The following SUSD5 variants were observed in gnomAD, a reference collection of about 807,000 sequenced individuals.
SUSD5 encodes sushi domain containing 5.
In SUSD5, 33 loss-of-function variants were observed where a neutral mutation model predicts 29.5. The ratio of observed to expected loss-of-function variants is 1.12; its 90% CI spans 0.85 to 1.49. The LOEUF is 1.49. Ranked by LOEUF, SUSD5 falls within the 40% of genes most tolerant of loss-of-function variation. The pLI is 0.00. For missense variants in SUSD5, 776 were observed against 800.6 expected (o/e 0.97, Z 0.37); for synonymous variants, 308 against 325.3 (o/e 0.95, Z 0.57).
At chr3:33,185,656 G>T (rs1334081067) in intron 3 of SUSD5, among the ~76,000 whole-genome samples, 1 of 152,178 alleles carries the variant, frequency 6.6e-6, no homozygotes, top group African/African-American at 2.4e-5. Flanking sequence ...CTTTTTACTT[G>T]TTATGATGGA....
chr3:33,175,696 T>C (rs1369683930), intron 3 of SUSD5, among the ~76,000 whole-genome samples: 2 of 152,110 alleles, frequency 1.3e-5, no homozygotes, highest in Non-Finnish European at 2.9e-5. Flanking sequence ...AAATTGATTA[T>C]TTTTTAGGTT....
chr3:33,198,289 T>C (rs901047615), intron 3 of SUSD5, among the ~76,000 whole-genome samples: 1 of 152,220 alleles, frequency 6.6e-6, no homozygotes, highest in African/African-American at 2.4e-5. Context: ...TGGGTTCTAA[T>C]ATTATTCCCA....
chr3:33,193,775 C>T (rs1363151011), intron 3 of SUSD5, among the ~76,000 whole-genome samples: 1 of 152,148 alleles, frequency 6.6e-6, no homozygotes, highest in African/African-American at 2.4e-5. Context: ...TGCTTCTAAC[C>T]TACAAACTGC....
At chr3:33,190,640 A>C (rs2031871956) in intron 3 of SUSD5, among the ~76,000 whole-genome samples, 1 of 152,130 alleles carries the variant, frequency 6.6e-6, no homozygotes, top group Non-Finnish European at 1.5e-5. Context: ...AGGAAATGCC[A>C]CCCAAAAATA....
At chr3:33,209,004 G>C (rs955503953) in intron 2 of SUSD5, among the ~76,000 whole-genome samples, 1 of 152,156 alleles carries the variant, frequency 6.6e-6, no homozygotes, top group Admixed American at 6.5e-5. Flanking sequence ...CAGACTGGAT[G>C]TAATGAATTC....
chr3:33,190,869 T>G (rs924917230), intron 3 of SUSD5, among the ~76,000 whole-genome samples: 16 of 152,110 alleles, frequency 1.1e-4, no homozygotes, highest in African/African-American at 3.9e-4. Flanking sequence ...TACACCCACT[T>G]TTCTGAGGGC....
At chr3:33,194,161 G>C (rs1290526261) in intron 3 of SUSD5, among the ~76,000 whole-genome samples, 2 of 152,156 alleles carry the variant, frequency 1.3e-5, no homozygotes, top group Admixed American at 6.5e-5. Context: ...AGAGCAAGAG[G>C]ACAGCTTCAA....
At chr3:33,213,872 T>A in intron 2 of SUSD5, 56 bp downstream of exon 2, 1 of 1,535,504 alleles carries the variant, frequency 6.5e-7, no homozygotes, top group Non-Finnish European at 8.8e-7. Flanking sequence ...GAGTCCTATA[T>A]AAGCCTTGGT....
chr3:33,198,080 G>A (rs1416200437), intron 3 of SUSD5, among the ~76,000 whole-genome samples: 4 of 152,128 alleles, frequency 2.6e-5, no homozygotes, highest in South Asian at 2.1e-4. Flanking sequence ...GAAATTATGC[G>A]TTGATTTATT....
chr3:33,168,607 T>G (rs987431385), intron 4 of SUSD5: 1 of 985,012 alleles, frequency 1.0e-6, no homozygotes, highest in Non-Finnish European at 1.2e-6. Flanking sequence ...AGGCAGCACA[T>G]AGCATGATGC....
At chr3:33,182,752 T>C (rs2031697819) in intron 3 of SUSD5, among the ~76,000 whole-genome samples, 1 of 152,198 alleles carries the variant, frequency 6.6e-6, no homozygotes, top group African/African-American at 2.4e-5. Flanking sequence ...CACTTTATTT[T>C]GATTAGTGTT....
intron 2 of SUSD5, among the ~76,000 whole-genome samples, chr3:33,210,112 G>A (rs1365304697): frequency 1.3e-5 from 2 of 152,060 alleles, no homozygotes; most frequent in African/African-American, 4.8e-5. Context: ...ATCCTACATT[G>A]GCTAAATTGT....
At chr3:33,168,045 CAGAAG>C (rs1253087142) in intron 4 of SUSD5, among the ~76,000 whole-genome samples, 1 of 152,206 alleles carries the variant, frequency 6.6e-6, no homozygotes, top group Non-Finnish European at 1.5e-5. Flanking sequence ...TTTTGGAAAA[CAGAAG>C]AGCACAGAAA....
In SUSD5 at chr3:33,218,689, C is replaced by G; in HGVS notation, c.109G>C (p.Asp37His). The G allele has an allele frequency of 7.7e-7, 1 of 1,304,954 alleles. No homozygotes were observed. The highest frequency in any genetic ancestry group is 2.1e-5 in the South Asian group (1 of 46,832). The allele number at this position is 1,304,954 out of a possible 1,614,324, so 80.8% of individuals were successfully genotyped here. A position where few individuals can be genotyped will look rare whatever the true frequency, so the allele number is the denominator to read the frequency against. Residue 37 changes from aspartate (D) to histidine (H), a missense_variant, in exon 1 of 5, where the codon GAT (aspartate) becomes CAT (histidine). By Grantham distance (81) the Asp-to-His change is moderately conservative. Transcript: ENST00000309558. ...CCGCCGCCTCCCGCACACTCACCATCCGCCCGCACCGAAAGGCGCGGCAGA... is the reference window on the plus strand; with the variant it reads ...CCGCCGCCTCCCGCACACTCACCATGCGCCCGCACCGAAAGGCGCGGCAGA... ...LGLPRLSVRA[D>H]GKFFVLESQN...
chr3:33,164,387 C>T (rs2031260263), intron 4 of SUSD5, among the ~76,000 whole-genome samples: 1 of 152,040 alleles, frequency 6.6e-6, no homozygotes, highest in Admixed American at 6.6e-5. Context: ...TTCAGATTTA[C>T]ATGATGAAAA....
chr3:33,183,513 A>G (rs1394771824), intron 3 of SUSD5, among the ~76,000 whole-genome samples: 1 of 152,198 alleles, frequency 6.6e-6, no homozygotes, highest in Non-Finnish European at 1.5e-5. Context: ...CTTCACAGGT[A>G]GTGCAAGTAC....
intron 3 of SUSD5, among the ~76,000 whole-genome samples, chr3:33,198,918 T>C (rs1369981000): frequency 2.0e-5 from 3 of 152,124 alleles, no homozygotes; most frequent in African/African-American, 7.2e-5. Flanking sequence ...TCAGCAGACA[T>C]GGGCTACAGG....
chr3:33,184,605 CTTTT>C (rs969131540), intron 3 of SUSD5, among the ~76,000 whole-genome samples: 3 of 147,362 alleles, frequency 2.0e-5, no homozygotes, highest in African/African-American at 7.4e-5. Flanking sequence ...ATTCTGTTCT[CTTTT>C]TTTGTCTTTT....
rs748267448 is a variant in SUSD5, at chr3:33,175,049, C to CG, written c.434dup (p.Phe146ValfsTer17). ...GGCCCTGCAGGATGGTGTGTGGGAA[C>CG]GAAGGCGGGTCTCCACACGGCTTCT... is the stretch of plus-strand genomic sequence containing the variant. On this transcript the variant is annotated frameshift_variant, in exon 4 of 5. Coordinates refer to ENST00000309558, the MANE Select transcript of SUSD5 (RefSeq NM_015551.2). LOFTEE classifies it high-confidence loss of function. The CG allele has an allele frequency of 6.2e-7, 1 of 1,613,998 alleles. No individual in the cohort carries two copies. The highest frequency in any genetic ancestry group is 1.7e-5 in the Admixed American group (1 of 60,024).
Sources: gnomAD v4.1 joint callset for allele counts (sites outside exome capture counted in the v4.1 genomes callset) on GRCh38, gnomAD v4.1.1 for gene constraint, MANE v1.5 for transcripts, NCBI Gene and HGNC (gene_info 2026-07-23, HGNC 2026-07-21) for gene names.